The following BMPR2 variants were observed in gnomAD, a reference collection of about 807,000 sequenced individuals.
BMPR2 encodes the protein bone morphogenetic protein receptor type 2.
In BMPR2, 29 loss-of-function variants were observed where a neutral mutation model predicts 100.8. That is an observed-to-expected ratio of 0.29 (90% CI 0.21 to 0.39). BMPR2 has a LOEUF of 0.39. Among genes scored for constraint, BMPR2 ranks in the 10% least tolerant of loss-of-function variants. The pLI, the probability that BMPR2 is intolerant of heterozygous loss-of-function variation, is 1.00. For missense variants in BMPR2, 1,011 were observed against 1,274.5 expected (o/e 0.79, Z 3.15); for synonymous variants, 382 against 442.3 (o/e 0.86, Z 1.71).
intron 3 of BMPR2, among the ~76,000 whole-genome samples, chr2:202,469,149 G>C (rs1034991653): frequency 1.3e-5 from 2 of 152,158 alleles, no homozygotes; most frequent in African/African-American, 4.8e-5. Flanking sequence ...TCCTGCCTCA[G>C]CCTCCCTAGT....
intron 7 of BMPR2, among the ~76,000 whole-genome samples, chr2:202,524,348 C>A (rs1198689899): frequency 4.3e-5 from 6 of 139,992 alleles, no homozygotes; most frequent in African/African-American, 1.6e-4. Context: ...GGCGACAGAT[C>A]GAGAGTCTGT....
rs1006376531 is a variant in BMPR2, at chr2:202,447,943, T to C, written c.77-16866T>C. Among the ~76,000 whole-genome samples the C allele has an allele frequency of 4.7e-5, 7 of 150,266 alleles. 1 individual carries two copies. The highest frequency in any genetic ancestry group is 1.8e-4 in the African/African-American group (7 of 39,642). ...AGTAGGTAATGAGGATGGCCACCCA[T>C]TGCAACATGGGTTGAAAAAATAGAG... On this transcript the variant is annotated intron_variant, in intron 1 of 12. Transcript: ENST00000374580.
chr2:202,526,221 C>T (rs1344799331), intron 7 of BMPR2, among the ~76,000 whole-genome samples: 1 of 152,060 alleles, frequency 6.6e-6, no homozygotes, highest in Non-Finnish European at 1.5e-5. Context: ...TACACCTCAC[C>T]TCATAGATAC....
At chr2:202,425,820 A>G (rs1391860302) in intron 1 of BMPR2, among the ~76,000 whole-genome samples, 6 of 152,224 alleles carry the variant, frequency 3.9e-5, no homozygotes, top group Non-Finnish European at 8.8e-5. Context: ...AAAACCAAAA[A>G]TAATAAAAGG....
At chr2:202,450,617 G>A (rs1443073874) in intron 1 of BMPR2, among the ~76,000 whole-genome samples, 3 of 151,244 alleles carry the variant, frequency 2.0e-5, no homozygotes, top group Admixed American at 2.0e-4. Context: ...TTTGAACCTG[G>A]GAGGCGGAGG....
chr2:202,489,041 G>A (rs1284143539), intron 3 of BMPR2, among the ~76,000 whole-genome samples: 4 of 143,184 alleles, frequency 2.8e-5, no homozygotes, highest in East Asian at 4.1e-4. Flanking sequence ...TGCTCTTGTC[G>A]CCCAGGCTGG....
chr2:202,409,031 C>T (rs761199123), intron 1 of BMPR2, among the ~76,000 whole-genome samples: 1 of 152,154 alleles, frequency 6.6e-6, no homozygotes, highest in Non-Finnish European at 1.5e-5. Context: ...ACAAACTACT[C>T]TTCTTAAATG....
intron 1 of BMPR2, among the ~76,000 whole-genome samples, chr2:202,445,354 G>A (rs1337073083): frequency 2.0e-5 from 3 of 149,792 alleles, no homozygotes; most frequent in Non-Finnish European, 4.4e-5. Flanking sequence ...AGCTTCCCAA[G>A]TACCTGAGAC....
chr2:202,457,482 A>G (rs555132639), intron 1 of BMPR2, among the ~76,000 whole-genome samples: 88 of 150,736 alleles, frequency 5.8e-4, no homozygotes, highest in Non-Finnish European at 1.0e-3. Context: ...GAAAAATGAC[A>G]TAAAGATCAA....
At chr2:202,484,968 C>CAAAAA (rs747890922) in intron 3 of BMPR2, among the ~76,000 whole-genome samples, 11 of 59,464 alleles carry the variant, frequency 1.8e-4, no homozygotes, top group African/African-American at 5.4e-4. Context: ...GACTCCGTCT[C>CAAAAA]AAAAAAAAAA....
chr2:202,444,649 G>A (rs556299265), intron 1 of BMPR2, among the ~76,000 whole-genome samples: 2 of 150,788 alleles, frequency 1.3e-5, no homozygotes, highest in South Asian at 2.1e-4. Flanking sequence ...AATGTTCTAT[G>A]TAATATTGGA....
chr2:202,517,895 C>T (rs1574487748), intron 5 of BMPR2, among the ~76,000 whole-genome samples: 1 of 149,862 alleles, frequency 6.7e-6, no homozygotes, highest in African/African-American at 2.4e-5. Context: ...TCACTGCAAG[C>T]TCTGCCTCCC....
chr2:202,480,421 G>C (rs879296259), intron 3 of BMPR2, among the ~76,000 whole-genome samples: 1 of 151,840 alleles, frequency 6.6e-6, no homozygotes, highest in African/African-American at 2.4e-5. Flanking sequence ...GAGCCACCAC[G>C]CCCAACCTGA....
chr2:202,429,664 A>G (rs1691465842), intron 1 of BMPR2, among the ~76,000 whole-genome samples: 1 of 152,202 alleles, frequency 6.6e-6, no homozygotes, highest in South Asian at 2.1e-4. Flanking sequence ...TGAGTAATTT[A>G]TAAAGGAAAG....
At position 202,556,466 on chromosome 2, in the gene BMPR2, G is replaced by C. The variant is rs575479720; in HGVS notation, c.2801G>C (p.Arg934Thr). ...AADPGPSKPR[R>T]AQRPNSLDLS... Reference sequence around the variant, plus strand: ...GATCCTGGGCCATCAAAGCCCAGAAGAGCACAGAGGCCTAATTCTCTGGAT... The same window carrying C: ...GATCCTGGGCCATCAAAGCCCAGAACAGCACAGAGGCCTAATTCTCTGGAT... Residue 934 changes from arginine to threonine, a missense_variant, in exon 12 of 13, where the codon AGA becomes ACA. By Grantham distance (71) the Arg-to-Thr change is moderately conservative. Coordinates refer to ENST00000374580, the MANE Select transcript of BMPR2 (RefSeq NM_001204.7). 40 of 1,614,212 alleles carry C rather than the reference G, an allele frequency of 2.5e-5. No homozygotes were observed. Among genetic ancestry groups the C allele is most frequent in the South Asian group, 2.2e-5 (2 of 91,078 alleles).
intron 9 of BMPR2, among the ~76,000 whole-genome samples, chr2:202,534,543 C>T (rs923192025): frequency 6.6e-6 from 1 of 152,138 alleles, no homozygotes; most frequent in African/African-American, 2.4e-5. Flanking sequence ...CTGAGTGGGA[C>T]ACAGCACATG....
At chr2:202,504,191 G>C (rs1035798814) in intron 3 of BMPR2, among the ~76,000 whole-genome samples, 4 of 152,128 alleles carry the variant, frequency 2.6e-5, no homozygotes, top group African/African-American at 9.7e-5. Context: ...CGGGCTGCCC[G>C]AGCTAGCAGT....
At chr2:202,402,990 G>A (rs1409210499) in intron 1 of BMPR2, among the ~76,000 whole-genome samples, 15 of 151,326 alleles carry the variant, frequency 9.9e-5, no homozygotes, top group South Asian at 2.1e-4. Flanking sequence ...CACCACGCCC[G>A]GCTAATTTTG....
Position 202,555,507 on chromosome 2 carries a change from C to T in BMPR2, c.1842C>T (p.Thr614=). The part of the protein sequence containing the change: ...SVTSLSTNTT[T]TNTTGLTPST... ...CCAGCCTCTCCACCAACACAACAAC[C>T]ACAAACACCACAGGACTCACGCCAA... The change falls in exon 12 of 13, where the codon ACC becomes ACT. Residue 614 remains threonine (T), a synonymous_variant. Coordinates refer to ENST00000374580, the MANE Select transcript of BMPR2 (RefSeq NM_001204.7). 2 of 1,614,112 alleles carry T rather than the reference C, an allele frequency of 1.2e-6. No individual in the cohort carries two copies. Among genetic ancestry groups the T allele is most frequent in the African/African-American group, 1.3e-5 (1 of 75,036 alleles).
Sources: allele counts gnomAD v4.1 joint callset (sites outside exome capture counted in the v4.1 genomes callset), GRCh38; gene constraint gnomAD v4.1.1; transcripts MANE v1.5; gene names NCBI Gene and HGNC (gene_info 2026-07-23, HGNC 2026-07-21).